Variants in ERBB4 observed in about 807,000 individuals in gnomAD.
The protein encoded by ERBB4 is receptor tyrosine-protein kinase erbB-4.
Under a neutral mutation model 158.0 loss-of-function variants are expected in ERBB4, and 42 were observed. The observed-to-expected ratio is 0.27, with a 90% confidence interval of 0.21 to 0.34. The LOEUF (loss-of-function observed/expected upper bound fraction) is 0.34. Among genes scored for constraint, ERBB4 ranks in the 10% least tolerant of loss-of-function variants. The probability of loss-of-function intolerance (pLI) is 1.00; values close to 1 mark genes in which losing one functional copy is unlikely to be tolerated. For synonymous variants in ERBB4, 583 were observed against 558.7 expected, an observed-to-expected ratio of 1.04 and a Z score of -0.61; for missense variants, 1,333 against 1,624.1, an observed-to-expected ratio of 0.82 and a Z score of 3.08.
At chr2:212,192,078 A>G (rs1225836772) in intron 1 of ERBB4, among the ~76,000 whole-genome samples, 1 of 116,542 alleles carries the variant, frequency 8.6e-6, no homozygotes, top group Non-Finnish European at 1.7e-5. Context: ...TATGTTATAT[A>G]TATTATATAT....
chr2:211,999,479 T>G (rs992518045), intron 2 of ERBB4, among the ~76,000 whole-genome samples: 140 of 151,978 alleles, frequency 9.2e-4, no homozygotes, highest in African/African-American at 3.3e-3. Context: ...TCTGAATAGT[T>G]CAGACTCTGG....
intron 3 of ERBB4, among the ~76,000 whole-genome samples, chr2:211,814,366 T>A (rs761327290): frequency 6.6e-6 from 1 of 152,182 alleles, no homozygotes; most frequent in Non-Finnish European, 1.5e-5. Context: ...GTATTTACTA[T>A]AAACATAAGG....
chr2:212,220,195 C>A (rs534741338), intron 1 of ERBB4, among the ~76,000 whole-genome samples: 2 of 151,500 alleles, frequency 1.3e-5, no homozygotes, highest in East Asian at 1.9e-4. Flanking sequence ...GCAGTAAAAT[C>A]TTTTTCTCCT....
At chr2:211,793,230 T>A (rs1047054406) in intron 3 of ERBB4, among the ~76,000 whole-genome samples, 16 of 151,842 alleles carry the variant, frequency 1.1e-4, no homozygotes, top group Non-Finnish European at 2.4e-4. Flanking sequence ...ATCGATATTA[T>A]CAGTGAACAT....
At chr2:211,876,991 A>G (rs576698819) in intron 3 of ERBB4, among the ~76,000 whole-genome samples, 20 of 152,310 alleles carry the variant, frequency 1.3e-4, no homozygotes, top group Non-Finnish European at 2.8e-4. Flanking sequence ...TGAAAAGCCT[A>G]CTGAGGCAAA....
At chr2:211,937,322 T>A (rs2080352920) in intron 3 of ERBB4, among the ~76,000 whole-genome samples, 1 of 152,172 alleles carries the variant, frequency 6.6e-6, no homozygotes, top group Non-Finnish European at 1.5e-5. Flanking sequence ...TGCTATAATT[T>A]TTTTAAAAAA....
intron 1 of ERBB4, among the ~76,000 whole-genome samples, chr2:212,481,601 G>T (rs903710365): frequency 6.6e-6 from 1 of 152,046 alleles, no homozygotes; most frequent in East Asian, 1.9e-4. Flanking sequence ...TCTTTTCAAC[G>T]CTAAAACAAC....
At chr2:212,185,346 A>T (rs1303402638) in intron 1 of ERBB4, among the ~76,000 whole-genome samples, 1 of 151,290 alleles carries the variant, frequency 6.6e-6, no homozygotes, top group Non-Finnish European at 1.5e-5. Flanking sequence ...TTCTTGGGGT[A>T]TGTGCTTGGT....
intron 3 of ERBB4, among the ~76,000 whole-genome samples, chr2:211,825,078 A>G (rs917649023): frequency 6.6e-6 from 1 of 151,980 alleles, no homozygotes; most frequent in Admixed American, 6.6e-5. Flanking sequence ...AAGCCTTTGC[A>G]GGAGACCAGA....
chr2:211,759,167 T>A (rs2075351110), intron 4 of ERBB4, among the ~76,000 whole-genome samples: 5 of 152,186 alleles, frequency 3.3e-5, no homozygotes, highest in Admixed American at 3.3e-4. Context: ...TCCAAATTCA[T>A]GAACATATCT....
chr2:212,304,477 T>G (rs2086735341), intron 1 of ERBB4, among the ~76,000 whole-genome samples: 1 of 37,166 alleles, frequency 2.7e-5, no homozygotes, highest in Non-Finnish European at 1.6e-4. Context: ...AGAACACATA[T>G]TTTTTTTATT....
intron 5 of ERBB4, among the ~76,000 whole-genome samples, chr2:211,747,874 C>T (rs1286644167): frequency 6.6e-6 from 1 of 151,460 alleles, no homozygotes; most frequent in African/African-American, 2.4e-5. Context: ...TAAATTGGTT[C>T]CAGGACCCCC....
intron 1 of ERBB4, among the ~76,000 whole-genome samples, chr2:212,260,314 A>G (rs1438243158): frequency 6.6e-6 from 1 of 152,242 alleles, no homozygotes; most frequent in Non-Finnish European, 1.5e-5. Flanking sequence ...AGAGCTGGGG[A>G]AAATAAAAGA....
intron 2 of ERBB4, among the ~76,000 whole-genome samples, chr2:211,953,844 A>G (rs1197673039): frequency 3.4e-5 from 5 of 148,650 alleles, no homozygotes; most frequent in Non-Finnish European, 7.4e-5. Flanking sequence ...CATATTAGCA[A>G]TAAGTCCAGG....
intron 1 of ERBB4, among the ~76,000 whole-genome samples, chr2:212,415,544 CAT>C (rs776948609): frequency 1.3e-5 from 2 of 151,968 alleles, no homozygotes; most frequent in South Asian, 2.1e-4. Context: ...GAACGTGACA[CAT>C]AAAGTTCTTT....
intron 3 of ERBB4, among the ~76,000 whole-genome samples, chr2:211,867,146 C>A (rs2106101029): frequency 6.6e-6 from 1 of 150,378 alleles, no homozygotes; most frequent in African/African-American, 2.4e-5. Flanking sequence ...GCAACTAATT[C>A]CATACATTTA....
intron 1 of ERBB4, among the ~76,000 whole-genome samples, chr2:212,260,967 T>A (rs188718781): frequency 6.6e-6 from 1 of 152,238 alleles, no homozygotes; most frequent in East Asian, 1.9e-4. Flanking sequence ...GAGTAAAGTA[T>A]GTATTACAGG....
chr2:212,461,129 A>AC (rs560103731), intron 1 of ERBB4, among the ~76,000 whole-genome samples: 14 of 151,364 alleles, frequency 9.2e-5, no homozygotes, highest in Non-Finnish European at 1.2e-4. Flanking sequence ...TGGGGTGGGA[A>AC]CCCCCCCTCC....
In ERBB4 at chr2:211,379,293, C is replaced by T. The variant is rs892000644; in HGVS notation, c.*4322G>A. 4.4e-5 allele frequency: 10 copies of T among 228,224 alleles called. No individual in the cohort carries two copies. The Admixed American group carries it at 5.7e-4, about 13-fold the overall frequency. The allele number at this position is 228,224 out of a possible 1,614,324, so 14.1% of individuals were successfully genotyped here. On this transcript the variant is annotated 3_prime_UTR_variant, in exon 28 of 28. Transcript: ENST00000342788. ...ATTTTCTTTACTTCATCTTGAAGACCCTTACTTAGTCATATGTAACATGTT... is the reference window on the plus strand; with the variant it reads ...ATTTTCTTTACTTCATCTTGAAGACTCTTACTTAGTCATATGTAACATGTT...
Sources: allele counts gnomAD v4.1 joint callset (sites outside exome capture counted in the v4.1 genomes callset), GRCh38; gene constraint gnomAD v4.1.1; transcripts MANE v1.5; gene names NCBI Gene and HGNC (gene_info 2026-07-23, HGNC 2026-07-21).